PCLO: variants seen among roughly 807,000 people sequenced by gnomAD.
PCLO encodes protein piccolo.
A neutral mutation model predicts 427.5 loss-of-function variants in PCLO; 82 were observed. The ratio of observed to expected loss-of-function variants is 0.19; its 90% CI spans 0.16 to 0.23. PCLO has a LOEUF of 0.23. PCLO is among the 10% of genes least tolerant of loss of function. PCLO has a pLI of 1.00. For synonymous variants in PCLO, 2,357 were observed against 2,155.4 expected, an observed-to-expected ratio of 1.09 and a Z score of -2.59; for missense variants, 6,239 against 6,115.9, an observed-to-expected ratio of 1.02 and a Z score of -0.67.
At chr7:82,839,684 G>A (rs968354118) in intron 14 of PCLO, among the ~76,000 whole-genome samples, 3 of 151,992 alleles carry the variant, frequency 2.0e-5, no homozygotes, top group South Asian at 2.1e-4. Context: ...CACCCAAACC[G>A]TTTCTTATTG....
At chr7:82,768,037 A>G (rs1790568646) in intron 22 of PCLO, among the ~76,000 whole-genome samples, 1 of 152,146 alleles carries the variant, frequency 6.6e-6, no homozygotes, top group African/African-American at 2.4e-5. Context: ...CTTGAAGATG[A>G]AATCCAGACA....
At chr7:83,079,209 T>C (rs1413713532) in intron 3 of PCLO, among the ~76,000 whole-genome samples, 1 of 152,066 alleles carries the variant, frequency 6.6e-6, no homozygotes, top group Non-Finnish European at 1.5e-5. Flanking sequence ...TGAATACCAA[T>C]ACATGCAACA....
intron 8 of PCLO, among the ~76,000 whole-genome samples, chr7:82,904,476 C>A (rs1260628728): frequency 6.6e-6 from 1 of 151,824 alleles, no homozygotes; most frequent in Non-Finnish European, 1.5e-5. Flanking sequence ...TTAGGTGTAA[C>A]TGAACTTTGC....
At chr7:82,944,526 CATAGAG>C (rs1440902220) in intron 6 of PCLO, among the ~76,000 whole-genome samples, 2 of 151,856 alleles carry the variant, frequency 1.3e-5, no homozygotes, top group Admixed American at 6.6e-5. Flanking sequence ...TAAAGAAGGC[CATAGAG>C]ATAGAGTACT....
At chr7:83,094,203 T>A (rs1013831820) in intron 3 of PCLO, among the ~76,000 whole-genome samples, 1 of 109,658 alleles carries the variant, frequency 9.1e-6, no homozygotes, top group Non-Finnish European at 1.9e-5. Flanking sequence ...GGGACTGATT[T>A]TTTTTTCTTT....
intron 3 of PCLO, among the ~76,000 whole-genome samples, chr7:83,095,045 A>G (rs1405110577): frequency 1.3e-5 from 2 of 152,142 alleles, no homozygotes; most frequent in Non-Finnish European, 2.9e-5. Flanking sequence ...GATTGGGGTT[A>G]ATGCTTCAAA....
At chr7:83,105,023 C>G (rs1790820831) in intron 3 of PCLO, among the ~76,000 whole-genome samples, 1 of 152,112 alleles carries the variant, frequency 6.6e-6, no homozygotes, top group Non-Finnish European at 1.5e-5. Flanking sequence ...CAAATCTTAT[C>G]AGTGGAAAAC....
At position 83,134,690 on chromosome 7, in the gene PCLO, G is replaced by A; in HGVS notation, c.2860C>T (p.Pro954Ser). Residue 954 changes from proline to serine, a missense_variant, in exon 3 of 25, where the codon CCT becomes TCT. By Grantham distance (74) the Pro-to-Ser change is moderately conservative (BLOSUM62 -1). This residue lies in a region of PCLO where 4,677 missense variants were observed against 4,468.4 expected (regional missense o/e 1.05). Coordinates refer to ENST00000333891, the MANE Select transcript of PCLO (RefSeq NM_033026.6). Reference sequence around the variant, plus strand: ...GCCCCTGGTCCACTTTGTGAATGAGGTCCAGGTTGGCCTGCAGTGGAAATT... The same window carrying A: ...GCCCCTGGTCCACTTTGTGAATGAGATCCAGGTTGGCCTGCAGTGGAAATT... ...NLISTAGQPG[P>S]HSQSGPGAPM... is the part of the protein sequence containing the mutation. 1.9e-6 allele frequency: 3 copies of A among 1,613,760 alleles called. No homozygotes were observed. The highest frequency in any genetic ancestry group is 2.2e-5 in the South Asian group (2 of 91,074).
intron 3 of PCLO, among the ~76,000 whole-genome samples, chr7:83,098,935 T>A (rs1001269972): frequency 6.6e-6 from 1 of 151,322 alleles, no homozygotes; most frequent in African/African-American, 2.4e-5. Context: ...ATAAATAGAA[T>A]TTGGATAGGA....
intron 3 of PCLO, among the ~76,000 whole-genome samples, chr7:82,968,962 A>T (rs1795844020): frequency 6.6e-6 from 1 of 152,178 alleles, no homozygotes; most frequent in Non-Finnish European, 1.5e-5. Context: ...AAGTTAGAAA[A>T]TTTTAATATA....
chr7:82,851,926 T>C (rs1792669240), intron 10 of PCLO, among the ~76,000 whole-genome samples: 1 of 152,122 alleles, frequency 6.6e-6, no homozygotes, highest in Non-Finnish European at 1.5e-5. Flanking sequence ...AAGACATAGA[T>C]AGAGAAGTGG....
intron 3 of PCLO, among the ~76,000 whole-genome samples, chr7:83,090,808 C>T (rs1338733590): frequency 6.6e-6 from 1 of 152,054 alleles, no homozygotes; most frequent in Non-Finnish European, 1.5e-5. Context: ...TTCCATTTTA[C>T]AATTAAATAT....
At chr7:82,957,523 A>G (rs1303335718) in intron 4 of PCLO, among the ~76,000 whole-genome samples, 1 of 152,218 alleles carries the variant, frequency 6.6e-6, no homozygotes, top group Non-Finnish European at 1.5e-5. Flanking sequence ...CTTTTAAGAG[A>G]CATTTTGAAA....
intron 10 of PCLO, among the ~76,000 whole-genome samples, chr7:82,865,218 C>T (rs1280577394): frequency 1.3e-5 from 2 of 152,044 alleles, no homozygotes; most frequent in South Asian, 4.2e-4. Context: ...CCGGGCATGG[C>T]GGCTTACACC....
intron 3 of PCLO, among the ~76,000 whole-genome samples, chr7:83,121,500 A>C (rs1791278552): frequency 6.6e-6 from 1 of 152,130 alleles, no homozygotes; most frequent in Non-Finnish European, 1.5e-5. Context: ...ACAAATTTTA[A>C]AATAACAGTA....
At chr7:83,114,271 AG>A (rs1244868042) in intron 3 of PCLO, among the ~76,000 whole-genome samples, 2 of 152,136 alleles carry the variant, frequency 1.3e-5, no homozygotes, top group Non-Finnish European at 2.9e-5. Context: ...ACAAATAAAC[AG>A]GGAATTGCGA....
intron 20 of PCLO, among the ~76,000 whole-genome samples, chr7:82,811,348 T>C (rs1269093228): frequency 6.6e-6 from 1 of 151,520 alleles, no homozygotes; most frequent in Non-Finnish European, 1.5e-5. Flanking sequence ...TTTCTTTCTC[T>C]GTCCATCCCT....
chr7:82,788,689 G>C (rs1791035672), intron 22 of PCLO, among the ~76,000 whole-genome samples: 2 of 151,846 alleles, frequency 1.3e-5, no homozygotes, highest in African/African-American at 2.4e-5. Flanking sequence ...TTCTAGACTT[G>C]TCTGCCAGAG....
At chr7:82,998,649 C>T (rs2115893043) in intron 3 of PCLO, among the ~76,000 whole-genome samples, 1 of 152,000 alleles carries the variant, frequency 6.6e-6, no homozygotes, top group South Asian at 2.1e-4. Flanking sequence ...TCACTAAAGA[C>T]TTTGACCTAA....
Sources: gnomAD v4.1 joint callset for allele counts (sites outside exome capture counted in the v4.1 genomes callset) on GRCh38, gnomAD v4.1.1 for gene constraint, gnomAD v4.1.1 regional missense constraint, MANE v1.5 for transcripts, NCBI Gene and HGNC (gene_info 2026-07-23, HGNC 2026-07-21) for gene names.